The following RNF19A variants were observed in gnomAD, a reference collection of about 807,000 sequenced individuals.
RNF19A encodes the protein E3 ubiquitin-protein ligase RNF19A.
Under a neutral mutation model 75.7 loss-of-function variants are expected in RNF19A, and 32 were observed. The ratio of observed to expected loss-of-function variants is 0.42; its 90% CI spans 0.32 to 0.57. The LOEUF is 0.57. Ranked by LOEUF, RNF19A falls within the 20% of genes least tolerant of loss-of-function variation. RNF19A has a pLI of 0.10. For missense variants in RNF19A, 782 were observed against 1,036.3 expected (o/e 0.75, Z 3.37); for synonymous variants, 335 against 345.2 (o/e 0.97, Z 0.33).
chr8:100,262,972 A>T (rs1819794699), intron 7 of RNF19A, among the ~76,000 whole-genome samples: 1 of 152,284 alleles, frequency 6.6e-6, no homozygotes, highest in African/African-American at 2.4e-5. Flanking sequence ...TTATTGAGTT[A>T]AGGAGGATGA....
chr8:100,311,307 A>G, upstream of RNF19A, among the ~76,000 whole-genome samples: 1 of 152,232 alleles, frequency 6.6e-6, no homozygotes, highest in Admixed American at 6.5e-5. Flanking sequence ...TAAAGCTGTT[A>G]TACCTTTAAA....
chr8:100,278,027 TA>T (rs1820606548), intron 2 of RNF19A, among the ~76,000 whole-genome samples: 1 of 152,250 alleles, frequency 6.6e-6, no homozygotes, highest in Non-Finnish European at 1.5e-5. Flanking sequence ...AAAGAAGTTT[TA>T]GCGTGGCCAG....
In RNF19A at chr8:100,288,221, GAAT is replaced by G; in HGVS notation, c.-50_-48del. On this transcript the variant is annotated 5_prime_UTR_variant, in exon 2 of 10. Coordinates refer to ENST00000341084, the MANE Select transcript of RNF19A (RefSeq NM_183419.4). ...GAATATCCTACTTGGTTCCTTCAGAGAATTCTTGAAAAGTTCGATTTACAGAAG... is the reference window on the plus strand; with the variant it reads ...GAATATCCTACTTGGTTCCTTCAGAGTCTTGAAAAGTTCGATTTACAGAAG... 6.7e-7 allele frequency: 1 copy of G among 1,498,844 alleles called. No homozygotes were observed. The highest frequency in any genetic ancestry group is 8.9e-7 in the Non-Finnish European group (1 of 1,127,760). 92.8% of individuals were successfully genotyped at this position (1,498,844 alleles called of 1,614,324 possible).
chr8:100,292,548 T>C (rs1586657934), intron 1 of RNF19A, among the ~76,000 whole-genome samples: 2 of 152,260 alleles, frequency 1.3e-5, no homozygotes, highest in Admixed American at 6.5e-5. Context: ...CAAATTCACA[T>C]ATCTTTCTGA....
intron 3 of RNF19A, among the ~76,000 whole-genome samples, chr8:100,272,796 C>T (rs538114035): frequency 5.8e-4 from 88 of 152,192 alleles, no homozygotes; most frequent in African/African-American, 1.5e-3. Flanking sequence ...GCAATCTGGC[C>T]GCTTTGGCCT....
rs778560993 is a variant in RNF19A at position 100,287,899 on chromosome 8, T to A, written c.276A>T (p.Ala92=). 5.0e-6 allele frequency: 8 copies of A among 1,614,098 alleles called. No individual in the cohort carries two copies. The highest frequency in any genetic ancestry group is 5.9e-6 in the Non-Finnish European group (7 of 1,180,042). Residue 92 remains alanine (A), a synonymous_variant, in exon 2 of 10, where the codon GCA becomes GCT. Coordinates refer to ENST00000341084, the MANE Select transcript of RNF19A (RefSeq NM_183419.4). This position sits in a 1 kb window ranked among gnomAD's most constrained non-coding sequence, Gnocchi z 4.1. ...RELNGGVDGI[A]SIESIHSEMC... ...TTTCAGAATGTATACTTTCAATACTTGCAATTCCATCCACCCCGCCATTTA... is the reference window on the plus strand; with the variant it reads ...TTTCAGAATGTATACTTTCAATACTAGCAATTCCATCCACCCCGCCATTTA...
chr8:100,279,978 A>C (rs1660327), intron 2 of RNF19A, among the ~76,000 whole-genome samples: 49,370 of 151,936 alleles, frequency 0.32, 8,690 homozygotes, highest in East Asian at 0.41. Flanking sequence ...GATTTCTTTT[A>C]ATTTTTCATA....
At chr8:100,320,281 T>A (rs956234548) in intron 1 of RNF19A, among the ~76,000 whole-genome samples, 10 of 152,248 alleles carry the variant, frequency 6.6e-5, no homozygotes, top group African/African-American at 2.4e-4. Flanking sequence ...ATAGCCTTTA[T>A]TTTTTAAAAA....
At chr8:100,279,354 T>C (rs1332914873) in intron 2 of RNF19A, among the ~76,000 whole-genome samples, 1 of 152,112 alleles carries the variant, frequency 6.6e-6, no homozygotes, top group Non-Finnish European at 1.5e-5. Flanking sequence ...CATTTAATAT[T>C]TGATTGCCAG....
At chr8:100,292,988 G>A (rs768972028) in intron 1 of RNF19A, among the ~76,000 whole-genome samples, 5 of 152,126 alleles carry the variant, frequency 3.3e-5, no homozygotes, top group Non-Finnish European at 5.9e-5. Flanking sequence ...GAGGTGGGGG[G>A]TGGGAGCAAG....
rs1033378455 is a variant in RNF19A, at chr8:100,261,534, A to C, written c.1682+8T>G. 1 of 1,612,572 alleles carries C rather than the reference A, an allele frequency of 6.2e-7. No homozygotes were observed. Among genetic ancestry groups the C allele is most frequent in the East Asian group, 2.2e-5 (1 of 44,886 alleles). Reference sequence around the variant, plus strand: ...GAAAGCAGAACCAAACCAAACCAAAACACACACCTGTTAAAACAGTTTACC... The same window carrying C: ...GAAAGCAGAACCAAACCAAACCAAACCACACACCTGTTAAAACAGTTTACC... On this transcript the variant is annotated splice_region_variant and intron_variant, in intron 8 of 9. Coordinates refer to ENST00000341084, the MANE Select transcript of RNF19A (RefSeq NM_183419.4). The surrounding 1 kb of genome is among the most constrained non-coding windows in gnomAD (Gnocchi z 4.4).
intron 1 of RNF19A, among the ~76,000 whole-genome samples, chr8:100,327,417 A>G (rs1361300464): frequency 2.0e-5 from 3 of 151,694 alleles, no homozygotes; most frequent in Non-Finnish European, 2.9e-5. Flanking sequence ...ATGCCCAGCT[A>G]ATTTTTGTAT....
At chr8:100,288,320 G>A in intron 1 of RNF19A, 53 bp from the exon 2 acceptor site, 2 of 1,120,802 alleles carry the variant, frequency 1.8e-6, no homozygotes, top group East Asian at 2.9e-5. Flanking sequence ...TTCTTAGTTT[G>A]TATATTTTTA....
chr8:100,278,664 T>C (rs920932461), intron 2 of RNF19A, among the ~76,000 whole-genome samples: 1 of 152,288 alleles, frequency 6.6e-6, no homozygotes, highest in Non-Finnish European at 1.5e-5. Context: ...TAATAGAAAT[T>C]AGATTACATA....
intron 1 of RNF19A, among the ~76,000 whole-genome samples, chr8:100,304,702 T>A (rs1295208268): frequency 6.6e-6 from 1 of 152,224 alleles, no homozygotes; most frequent in Non-Finnish European, 1.5e-5. Context: ...CTGATTCTAT[T>A]TAAGAGCATC....
In RNF19A at chr8:100,259,223, T is replaced by C. The variant is rs770175391; in HGVS notation, c.1850A>G (p.Gln617Arg). 1 of 1,612,658 alleles carries C rather than the reference T, an allele frequency of 6.2e-7. No individual in the cohort carries two copies. The highest frequency in any genetic ancestry group is 8.5e-7 in the Non-Finnish European group (1 of 1,179,650). The change falls in exon 10 of 10, where the codon CAA becomes CGA. Residue 617 changes from glutamine (Q) to arginine (R), a missense_variant. This residue lies in a region of RNF19A where 442 missense variants were observed against 541.6 expected (regional missense o/e 0.82). Transcript: ENST00000341084. The surrounding 1 kb of genome is among the most constrained non-coding windows in gnomAD (Gnocchi z 4.5). The stretch of plus-strand genomic sequence containing the variant: ...GGATGGCTTTGACTCAATATCTACT[T>C]GCACCTCCATACTGTTGCCTTCTCT... ...LDKEGNSMEV[Q>R]VDIESKPSKF...
At chr8:100,265,835 G>C (rs920127799) in intron 5 of RNF19A, among the ~76,000 whole-genome samples, 1 of 152,058 alleles carries the variant, frequency 6.6e-6, no homozygotes, top group Non-Finnish European at 1.5e-5. Flanking sequence ...GCATTGACTA[G>C]AGGTTCCTTG....
At chr8:100,300,213 G>A (rs1047828774) in intron 1 of RNF19A, among the ~76,000 whole-genome samples, 3 of 152,086 alleles carry the variant, frequency 2.0e-5, no homozygotes, top group African/African-American at 4.8e-5. Flanking sequence ...AAAAACTCAC[G>A]TACAAAGGAA....
At chr8:100,320,938 T>C (rs188644714) in intron 1 of RNF19A, among the ~76,000 whole-genome samples, 8 of 152,342 alleles carry the variant, frequency 5.3e-5, no homozygotes, top group Admixed American at 5.2e-4. Flanking sequence ...AAAATGTATA[T>C]ACCTTAATTT....
Sources: gnomAD v4.1 joint callset for allele counts (sites outside exome capture counted in the v4.1 genomes callset) on GRCh38, gnomAD v4.1.1 for gene constraint, gnomAD v4.1.1 regional missense constraint, Gnocchi (gnomAD v3.1) non-coding constraint, MANE v1.5 for transcripts, NCBI Gene and HGNC (gene_info 2026-07-23, HGNC 2026-07-21) for gene names.